The following CRADD variants were observed in gnomAD, a reference collection of about 807,000 sequenced individuals.
The protein encoded by CRADD is CARD and death domain containing adaptor protein, also known as death domain-containing protein CRADD.
Under a neutral mutation model 15.5 loss-of-function variants are expected in CRADD, and 9 were observed. That is an observed-to-expected ratio of 0.58 (90% CI 0.35 to 1.01). CRADD has a LOEUF of 1.01. CRADD is among the 50% of genes least tolerant of loss of function. The pLI, the probability that CRADD is intolerant of heterozygous loss-of-function variation, is 0.02. For synonymous variants in CRADD, 118 were observed against 107.6 expected (o/e 1.10, Z -0.60); for missense variants, 227 against 250.3 (o/e 0.91, Z 0.63).
intron 2 of CRADD, among the ~76,000 whole-genome samples, chr12:93,712,892 A>AT (rs796733065): frequency 1.3e-4 from 19 of 150,028 alleles, no homozygotes; most frequent in African/African-American, 2.7e-4. Context: ...AAATGAATTG[A>AT]TTTTTTTTTT....
At chr12:93,703,110 G>T (rs1414156403) in intron 2 of CRADD, among the ~76,000 whole-genome samples, 1 of 152,094 alleles carries the variant, frequency 6.6e-6, no homozygotes, top group Non-Finnish European at 1.5e-5. Context: ...GTGTTCTTGA[G>T]TGTGGAAGAA....
chr12:93,810,493 G>A (rs540424374), intron 2 of CRADD, among the ~76,000 whole-genome samples: 1 of 139,720 alleles, frequency 7.2e-6, no homozygotes, highest in African/African-American at 2.7e-5. Flanking sequence ...AGAGGTTCCG[G>A]TGAGCCAAGA....
rs1025920582 is a variant in CRADD at position 93,715,579 on chromosome 12, G to T, written c.298+36507G>T. On this transcript the variant is annotated intron_variant, in intron 2 of 2. Coordinates refer to ENST00000332896, the MANE Select transcript of CRADD (RefSeq NM_003805.5). Reference sequence around the variant, plus strand: ...GTTTGAGCCCAGGAGTTCCAGACCAGCCTGGACAACATGGCAAGATTCCAT... The same window carrying T: ...GTTTGAGCCCAGGAGTTCCAGACCATCCTGGACAACATGGCAAGATTCCAT... 2.0e-5 allele frequency among the ~76,000 whole-genome samples: 3 copies of T among 152,138 alleles called. No individual in the cohort carries two copies. In the South Asian group the frequency reaches 6.2e-4, roughly 32 times the overall value.
At chr12:93,691,771 G>A (rs1414491544) in intron 2 of CRADD, among the ~76,000 whole-genome samples, 1 of 152,058 alleles carries the variant, frequency 6.6e-6, no homozygotes, top group Non-Finnish European at 1.5e-5. Flanking sequence ...CACACTAGCT[G>A]GTCTGTAAGA....
chr12:93,706,994 C>T (rs1033385093), intron 2 of CRADD, among the ~76,000 whole-genome samples: 3 of 152,236 alleles, frequency 2.0e-5, no homozygotes, highest in African/African-American at 4.8e-5. Flanking sequence ...AAATGGATGC[C>T]GTGGCTTTTA....
chr12:93,791,686 A>C (rs1287380404), intron 2 of CRADD, among the ~76,000 whole-genome samples: 1 of 152,134 alleles, frequency 6.6e-6, no homozygotes, highest in Non-Finnish European at 1.5e-5. Flanking sequence ...CCACAAAAAT[A>C]TAAGTACACG....
intron 2 of CRADD, among the ~76,000 whole-genome samples, chr12:93,752,964 A>G (rs1223622510): frequency 6.6e-6 from 1 of 152,212 alleles, no homozygotes; most frequent in Non-Finnish European, 1.5e-5. Context: ...TTGTAAAACC[A>G]TCAGATCTTG....
At chr12:93,779,836 G>A (rs146018047) in intron 2 of CRADD, among the ~76,000 whole-genome samples, 2,118 of 152,218 alleles carry the variant, frequency 0.014, 16 homozygotes, top group Middle Eastern at 0.037. Flanking sequence ...TGATCTGCCC[G>A]CCTTAGTCTC....
intron 2 of CRADD, among the ~76,000 whole-genome samples, chr12:93,783,490 C>T (rs1326375586): frequency 6.6e-6 from 1 of 151,746 alleles, no homozygotes; most frequent in Non-Finnish European, 1.5e-5. Flanking sequence ...AGTGGAGTAG[C>T]ATTTGTGTTT....
chr12:93,811,647 A>G (rs1434061818), intron 2 of CRADD, among the ~76,000 whole-genome samples: 1 of 152,240 alleles, frequency 6.6e-6, no homozygotes, highest in African/African-American at 2.4e-5. Context: ...ACAGGTGGTA[A>G]AATACATACA....
At chr12:93,776,167 T>C (rs565189572) in intron 2 of CRADD, among the ~76,000 whole-genome samples, 1 of 152,360 alleles carries the variant, frequency 6.6e-6, no homozygotes, top group South Asian at 2.1e-4. Flanking sequence ...AATTATATAG[T>C]TCTACTTTAT....
At chr12:93,800,854 A>C (rs1242179146) in intron 2 of CRADD, among the ~76,000 whole-genome samples, 6 of 152,148 alleles carry the variant, frequency 3.9e-5, no homozygotes, top group African/African-American at 9.7e-5. Flanking sequence ...TTCGCCAGCT[A>C]TCTGGGCACC....
intron 2 of CRADD, among the ~76,000 whole-genome samples, chr12:93,857,875 G>T (rs947915068): frequency 1.3e-5 from 2 of 152,224 alleles, no homozygotes; most frequent in African/African-American, 4.8e-5. Context: ...TTTGTGGCTA[G>T]CACATTGGAG....
chr12:93,838,540 TC>T (rs903614542), intron 2 of CRADD, among the ~76,000 whole-genome samples: 42 of 145,958 alleles, frequency 2.9e-4, no homozygotes, highest in Middle Eastern at 7.1e-3. Flanking sequence ...CTTCCCTTCC[TC>T]CCTTGCTTCT....
At chr12:93,761,924 A>G (rs1478160348) in intron 2 of CRADD, among the ~76,000 whole-genome samples, 2 of 152,222 alleles carry the variant, frequency 1.3e-5, no homozygotes, top group Non-Finnish European at 2.9e-5. Context: ...TGAATACGGC[A>G]GATTCAGAAA....
intron 2 of CRADD, among the ~76,000 whole-genome samples, chr12:93,756,386 C>T (rs10777539): frequency 0.42 from 63,380 of 152,010 alleles, 14,025 homozygotes; most frequent in East Asian, 0.8. Context: ...TAGGAAAGCA[C>T]CCTCACTAAA....
At chr12:93,753,823 A>G (rs929793300) in intron 2 of CRADD, among the ~76,000 whole-genome samples, 12 of 152,090 alleles carry the variant, frequency 7.9e-5, no homozygotes, top group African/African-American at 2.7e-4. Flanking sequence ...GCTGGAGTTG[A>G]GTGTCTATGG....
At chr12:93,793,797 T>A (rs1957378732) in intron 2 of CRADD, among the ~76,000 whole-genome samples, 1 of 152,186 alleles carries the variant, frequency 6.6e-6, no homozygotes, top group Admixed American at 6.5e-5. Context: ...TTCTATATCT[T>A]TGAAAATAAA....
At chr12:93,802,547 G>C (rs553127084) in intron 2 of CRADD, among the ~76,000 whole-genome samples, 87 of 152,286 alleles carry the variant, frequency 5.7e-4, no homozygotes, top group African/African-American at 2.0e-3. Flanking sequence ...ACTGGTCATG[G>C]CTACTTCCTT....
Sources: gnomAD v4.1 joint callset for allele counts (sites outside exome capture counted in the v4.1 genomes callset) on GRCh38, gnomAD v4.1.1 for gene constraint, MANE v1.5 for transcripts, NCBI Gene and HGNC (gene_info 2026-07-23, HGNC 2026-07-21) for gene names.